INSYN1: variants seen among roughly 807,000 people sequenced by gnomAD.
INSYN1 encodes the protein UPF0583 protein C15orf59.
A neutral mutation model predicts 17.1 loss-of-function variants in INSYN1; 7 were observed. The observed-to-expected ratio is 0.41, with a 90% confidence interval of 0.23 to 0.77. INSYN1 has a LOEUF of 0.77. Among genes scored for constraint, INSYN1 ranks in the 30% least tolerant of loss-of-function variants. The pLI is 0.32. For synonymous variants in INSYN1, 174 were observed against 166.3 expected (o/e 1.05, Z -0.36); for missense variants, 339 against 400.6 (o/e 0.85, Z 1.31).
Position 73,740,391 on chromosome 15 carries a change from G to A in INSYN1, c.408C>T (p.Gly136=). 6.2e-7 allele frequency: 1 copy of A among 1,609,250 alleles called. No individual in the cohort carries two copies. The highest frequency in any genetic ancestry group is 8.5e-7 in the Non-Finnish European group (1 of 1,177,704). Residue 136 remains glycine, a synonymous_variant, in exon 3 of 3, where the codon GGC becomes GGT. Transcript: ENST00000569673. ...CACCATTCATGAGGCGGTAGTCAGGGCCAGCCCCTGGCCGAGTCGACTCGG... is the reference window on the plus strand; with the variant it reads ...CACCATTCATGAGGCGGTAGTCAGGACCAGCCCCTGGCCGAGTCGACTCGG... ...DGPESTRPGA[G]PDYRLMNGGT...
At chr15:73,747,001 G>A (rs1037860832) in intron 2 of INSYN1, among the ~76,000 whole-genome samples, 4 of 152,068 alleles carry the variant, frequency 2.6e-5, no homozygotes, top group Admixed American at 6.5e-5. Context: ...TCCAAATTCC[G>A]TGCATGCTGT....
chr15:73,748,239 C>T (rs967546365), intron 2 of INSYN1, among the ~76,000 whole-genome samples: 52 of 152,074 alleles, frequency 3.4e-4, no homozygotes, highest in African/African-American at 1.2e-3. Flanking sequence ...GCCATATGCT[C>T]GAGAGGATGA....
rs1267157483 is a variant in INSYN1, at chr15:73,753,299, G to A, written c.-1757C>T. 6.6e-6 allele frequency among the ~76,000 whole-genome samples: 1 copy of A among 150,472 alleles called. No homozygotes were observed. The highest frequency in any genetic ancestry group is 1.5e-5 in the Non-Finnish European group (1 of 67,496). The stretch of plus-strand genomic sequence containing the variant: ...CCGGGCGGGCGCTGGCTCCCTTAAA[G>A]GCCGCCCGGCTCGCTTGGCTCCGCT... On this transcript the variant is annotated 5_prime_UTR_variant, in exon 1 of 3. Transcript: ENST00000569673. This position sits in a 1 kb window ranked among gnomAD's most constrained non-coding sequence, Gnocchi z 4.2.
In INSYN1 at chr15:73,752,448, G is replaced by C. The variant is rs1902015076; in HGVS notation, c.-906C>G. On this transcript the variant is annotated 5_prime_UTR_variant, in exon 1 of 3. Coordinates refer to ENST00000569673, the MANE Select transcript of INSYN1 (RefSeq NM_001039614.3). The surrounding 1 kb of genome is among the most constrained non-coding windows in gnomAD (Gnocchi z 5.2). ...AGACGCCGGGCAGGTCCCAGCGCGT[G>C]AGCCAAAGTCGGAGGGCTGGGAGGG... The C allele has an allele frequency of 6.6e-6, 1 of 152,366 alleles. No individual in the cohort carries two copies. Among genetic ancestry groups the C allele is most frequent in the Non-Finnish European group, 1.5e-5 (1 of 68,184 alleles). 9.4% of individuals were successfully genotyped at this position (152,366 alleles called of 1,614,324 possible). A position where few individuals can be genotyped will look rare whatever the true frequency, so the allele number is the denominator to read the frequency against.
chr15:73,751,209 T>C lies in INSYN1; in HGVS notation c.-79A>G. The C allele has an allele frequency of 6.5e-7, 1 of 1,538,674 alleles. No homozygotes were observed. The highest frequency in any genetic ancestry group is 8.8e-7 in the Non-Finnish European group (1 of 1,135,262). Reference sequence around the variant, plus strand: ...TGCGTCTGCCTCCACGGAGCCCCCCTCGGCTGGGCAGAGCTCCACATTTTA... The same window carrying C: ...TGCGTCTGCCTCCACGGAGCCCCCCCCGGCTGGGCAGAGCTCCACATTTTA... On this transcript the variant is annotated 5_prime_UTR_variant, in exon 2 of 3. Coordinates refer to ENST00000569673, the MANE Select transcript of INSYN1 (RefSeq NM_001039614.3).
Position 73,739,210 on chromosome 15 carries a change from A to G in INSYN1, c.*707T>C, listed in dbSNP as rs112533657. On this transcript the variant is annotated 3_prime_UTR_variant, in exon 3 of 3. Coordinates refer to ENST00000569673, the MANE Select transcript of INSYN1 (RefSeq NM_001039614.3). ...GAATCAGGCTGAGAATGGGAGCTGAAAGGATTGGGGGTGGTCCAGACCCTC... is the reference window on the plus strand; with the variant it reads ...GAATCAGGCTGAGAATGGGAGCTGAGAGGATTGGGGGTGGTCCAGACCCTC... 1 of 152,374 alleles carries G rather than the reference A, an allele frequency of 6.6e-6. No homozygotes were observed. The highest frequency in any genetic ancestry group is 1.5e-5 in the Non-Finnish European group (1 of 68,164). 9.4% of individuals were successfully genotyped at this position (152,374 alleles called of 1,614,324 possible).
In INSYN1 at chr15:73,740,011, G is replaced by T. The variant is rs1486587150; in HGVS notation, c.788C>A (p.Thr263Lys). ...TLAPEQTRRV[T>K]RNSSTQTVSD... ...CACTGTCTGGGTGCTGCTGTTCCTC[G>T]TGACCCTTCGAGTCTGTTCAGGGGC... The change falls in exon 3 of 3, where the codon ACG becomes AAG. Residue 263 changes from threonine to lysine, a missense_variant. Thr to Lys is a moderately conservative substitution (Grantham distance 78). Transcript: ENST00000569673. 6.2e-7 allele frequency: 1 copy of T among 1,612,740 alleles called. No individual in the cohort carries two copies. The highest frequency in any genetic ancestry group is 8.5e-7 in the Non-Finnish European group (1 of 1,179,798).
intron 2 of INSYN1, among the ~76,000 whole-genome samples, chr15:73,744,006 G>A (rs1322201614): frequency 3.3e-5 from 5 of 152,004 alleles, no homozygotes; most frequent in African/African-American, 7.3e-5. Context: ...GTTACTCAAC[G>A]TCTCTGTGCC....
Position 73,751,441 on chromosome 15 carries a change from G to A in INSYN1, c.-311C>T. On this transcript the variant is annotated 5_prime_UTR_variant, in exon 2 of 3. Transcript: ENST00000569673. ...TCCAGGTCTTGAAGTGCCTGTGGGTGTGCAGAGCTGATCTCTGCCTGAGCT... is the reference window on the plus strand; with the variant it reads ...TCCAGGTCTTGAAGTGCCTGTGGGTATGCAGAGCTGATCTCTGCCTGAGCT... 2 of 400,250 alleles carry A rather than the reference G, an allele frequency of 5.0e-6. No homozygotes were observed. The highest frequency in any genetic ancestry group is 9.4e-6 in the Non-Finnish European group (2 of 213,342). 24.8% of individuals were successfully genotyped at this position (400,250 alleles called of 1,614,324 possible). A position where few individuals can be genotyped will look rare whatever the true frequency, so the allele number is the denominator to read the frequency against.
intron 2 of INSYN1, among the ~76,000 whole-genome samples, chr15:73,744,894 C>CCT (rs1555422821): frequency 6.6e-6 from 1 of 151,352 alleles, no homozygotes; most frequent in South Asian, 2.1e-4. Flanking sequence ...AGGAGCTGAG[C>CCT]TGGGACCAGA....
In INSYN1 at chr15:73,740,243, C is replaced by A. The variant is rs761273404; in HGVS notation, c.556G>T (p.Val186Leu). Residue 186 changes from valine (V) to leucine (L), a missense_variant, in exon 3 of 3, where the codon GTG becomes TTG. Coordinates refer to ENST00000569673, the MANE Select transcript of INSYN1 (RefSeq NM_001039614.3). ...PQRTPGTRERVRFSDKVLYHA... is the reference protein window; with the variant it reads ...PQRTPGTRERLRFSDKVLYHA... Reference sequence around the variant, plus strand: ...TAGAGCACTTTGTCACTGAACCGCACCCTCTCCCGTGTCCCTGGGGTCCGC... The same window carrying A: ...TAGAGCACTTTGTCACTGAACCGCAACCTCTCCCGTGTCCCTGGGGTCCGC... 3 of 1,614,036 alleles carry A rather than the reference C, an allele frequency of 1.9e-6. No individual in the cohort carries two copies. The highest frequency in any genetic ancestry group is 3.3e-5 in the Admixed American group (2 of 60,028).
chr15:73,747,172 G>A (rs1432663782), intron 2 of INSYN1, among the ~76,000 whole-genome samples: 1 of 152,164 alleles, frequency 6.6e-6, no homozygotes, highest in Non-Finnish European at 1.5e-5. Context: ...ACCCTCAGCC[G>A]GGAATGCTCT....
At chr15:73,749,442 G>C (rs545843012) in intron 2 of INSYN1, among the ~76,000 whole-genome samples, 1 of 152,296 alleles carries the variant, frequency 6.6e-6, no homozygotes, top group East Asian at 1.9e-4. Context: ...CTGGGAAAAG[G>C]CTGGGAGTTG....
chr15:73,739,865 A>ATATATATT lies in INSYN1; in HGVS notation c.*51_*52insAATATATA, dbSNP rs1410142997. On this transcript the variant is annotated 3_prime_UTR_variant, in exon 3 of 3. Transcript: ENST00000569673. ...TATATATATATATATATATATATAT[A>ATATATATT]TATTTATTTATAGCTCTATGTGCCC... 1.7e-3 allele frequency: 571 copies of ATATATATT among 328,796 alleles called. 2 individuals are homozygous for ATATATATT. Among genetic ancestry groups the ATATATATT allele is most frequent in the Non-Finnish European group, 2.2e-3 (403 of 182,322 alleles). The allele number at this position is 328,796 out of a possible 1,614,324, so 20.4% of individuals were successfully genotyped here. A position where few individuals can be genotyped will look rare whatever the true frequency, so the allele number is the denominator to read the frequency against.
rs368653528 is a variant in INSYN1, at chr15:73,740,504, C to G, written c.295G>C (p.Asp99His). 17 of 1,613,878 alleles carry G rather than the reference C, an allele frequency of 1.1e-5. No homozygotes were observed. In the African/African-American group the frequency reaches 2.1e-4, roughly 20 times the overall value. The change falls in exon 3 of 3, where the codon GAC becomes CAC. Residue 99 changes from aspartate (D) to histidine (H), a missense_variant. Transcript: ENST00000569673. Reference protein sequence around the residue: ...MGGPFDLGHLDFMTADILSDS... With the variant: ...MGGPFDLGHLHFMTADILSDS... ...GAGAGGATATCGGCTGTCATGAAGT[C>G]CAGGTGGCCCAGGTCAAAGGGGCCA...
chr15:73,736,608 A>C lies in INSYN1; in HGVS notation c.*3309T>G, dbSNP rs982926241. The C allele has an allele frequency of 6.7e-6, 1 of 149,836 alleles. No individual in the cohort carries two copies. Among genetic ancestry groups the C allele is most frequent in the African/African-American group, 2.5e-5 (1 of 40,506 alleles). 9.3% of individuals were successfully genotyped at this position (149,836 alleles called of 1,614,324 possible). On this transcript the variant is annotated 3_prime_UTR_variant, in exon 3 of 3. Transcript: ENST00000569673. Reference sequence around the variant, plus strand: ...TCCATCTCAAAAAAACAAAACAAAAAAAAATTGGCCAGGCGTAGTGGCCCA... The same window carrying C: ...TCCATCTCAAAAAAACAAAACAAAACAAAATTGGCCAGGCGTAGTGGCCCA...
chr15:73,739,117 C>T lies in INSYN1; in HGVS notation c.*800G>A, dbSNP rs1177587561. Reference sequence around the variant, plus strand: ...TGGCTGCCTACTTCCTCGCACAGATCTCAGGTCTGCTTAGGGCCACGCCAG... The same window carrying T: ...TGGCTGCCTACTTCCTCGCACAGATTTCAGGTCTGCTTAGGGCCACGCCAG... On this transcript the variant is annotated 3_prime_UTR_variant, in exon 3 of 3. Coordinates refer to ENST00000569673, the MANE Select transcript of INSYN1 (RefSeq NM_001039614.3). 1.3e-5 allele frequency: 2 copies of T among 152,272 alleles called. No homozygotes were observed. Among genetic ancestry groups the T allele is most frequent in the African/African-American group, 4.8e-5 (2 of 41,464 alleles). The allele number at this position is 152,272 out of a possible 1,614,324, so 9.4% of individuals were successfully genotyped here.
At chr15:73,746,287 A>G (rs1901828819) in intron 2 of INSYN1, among the ~76,000 whole-genome samples, 1 of 152,032 alleles carries the variant, frequency 6.6e-6, no homozygotes, top group Non-Finnish European at 1.5e-5. Context: ...AGCTTTGGTA[A>G]ATCTGTCCGG....
chr15:73,742,973 G>A (rs1035175292), intron 2 of INSYN1, among the ~76,000 whole-genome samples: 3 of 152,236 alleles, frequency 2.0e-5, no homozygotes, highest in African/African-American at 7.2e-5. Context: ...CTAGGGCACT[G>A]GGAGATTTAA....
Sources: gnomAD v4.1 joint callset for allele counts (sites outside exome capture counted in the v4.1 genomes callset) on GRCh38, gnomAD v4.1.1 for gene constraint, Gnocchi (gnomAD v3.1) non-coding constraint, MANE v1.5 for transcripts, NCBI Gene and HGNC (gene_info 2026-07-23, HGNC 2026-07-21) for gene names.